Variants in CEACAM20 observed in about 807,000 individuals in gnomAD.
CEACAM20 encodes CEA cell adhesion molecule 20, also known as cell adhesion molecule CEACAM20.
Under a neutral mutation model 61.2 loss-of-function variants are expected in CEACAM20, and 50 were observed. That is an observed-to-expected ratio of 0.82 (90% CI 0.65 to 1.03). The LOEUF is 1.03. Ranked by LOEUF, CEACAM20 falls within the 50% of genes least tolerant of loss-of-function variation. The pLI, the probability that CEACAM20 is intolerant of heterozygous loss-of-function variation, is 0.00. For synonymous variants in CEACAM20, 282 were observed against 287.7 expected (o/e 0.98, Z 0.20); for missense variants, 683 against 736.4 (o/e 0.93, Z 0.84).
chr19:44,525,180 A>T lies in CEACAM20; in HGVS notation c.117T>A (p.Leu39=), dbSNP rs1599688401. Residue 39 remains leucine, a synonymous_variant, in exon 2 of 12, where the codon CTT becomes CTA. Coordinates refer to ENST00000614924, the MANE Select transcript of CEACAM20 (RefSeq NM_001102597.3). ...CAACATCCTCACTTTGGGTGGCATC[A>T]AGTGGGTTGGCATTGAGGGTGAGCT... ...AAQLTLNANP[L]DATQSEDVVL... 6.2e-7 allele frequency: 1 copy of T among 1,610,104 alleles called. No individual in the cohort carries two copies. The highest frequency in any genetic ancestry group is 8.5e-7 in the Non-Finnish European group (1 of 1,178,360).
chr19:44,509,332 A>C (rs191529555), intron 11 of CEACAM20, among the ~76,000 whole-genome samples: 1 of 151,234 alleles, frequency 6.6e-6, no homozygotes, highest in South Asian at 2.1e-4. Context: ...AAAGTATAAC[A>C]TTAAAGAATA....
At chr19:44,518,140 AAGGAAGGAAGGAAGGAAGGAAGGAAGG>A (rs1971240607) in intron 5 of CEACAM20, among the ~76,000 whole-genome samples, 15,107 of 123,292 alleles carry the variant, frequency 0.12, 1,596 homozygotes, top group East Asian at 0.16. Context: ...GGAAGGAAGG[AAGGAAGGAAGGAAGGAAGGAAGGAAGG>A]AAGAAAGCAG....
At position 44,529,503 on chromosome 19, in the gene CEACAM20, G is replaced by A. The variant is rs372091540; in HGVS notation, c.7C>T (p.Pro3Ser). ...CAGTGGTGTCCCCATGAGTCAGCAGGCCCCATGGGTCCCGGCACCTGACTT... is the reference window on the plus strand; with the variant it reads ...CAGTGGTGTCCCCATGAGTCAGCAGACCCCATGGGTCCCGGCACCTGACTT... MG[P>S]ADSWGHHWMG... Residue 3 changes from proline to serine, a missense_variant, in exon 1 of 12, where the codon CCT becomes TCT. Physicochemically the swap from Pro to Ser is moderately conservative, Grantham distance 74. Transcript: ENST00000614924. 1.1e-5 allele frequency: 17 copies of A among 1,613,422 alleles called. No homozygotes were observed. Among genetic ancestry groups the A allele is most frequent in the Middle Eastern group, 3.3e-4 (2 of 6,084 alleles).
intron 5 of CEACAM20, among the ~76,000 whole-genome samples, chr19:44,518,737 C>G (rs1240905238): frequency 6.6e-6 from 1 of 151,966 alleles, no homozygotes; most frequent in Non-Finnish European, 1.5e-5. Context: ...CTCATTTCTC[C>G]CCATCCTGAC....
rs1971649604 is a variant in CEACAM20, at chr19:44,529,488, C to G, written c.22G>C (p.Gly8Arg). Residue 8 changes from glycine to arginine, a missense_variant, in exon 1 of 12, where the codon GGA (glycine) becomes CGA (arginine). By Grantham distance (125) the Gly-to-Arg change is moderately radical. Transcript: ENST00000614924. ...AGCAGGATTCCCATCCAGTGGTGTCCCCATGAGTCAGCAGGCCCCATGGGT... is the reference window on the plus strand; with the variant it reads ...AGCAGGATTCCCATCCAGTGGTGTCGCCATGAGTCAGCAGGCCCCATGGGT... MGPADSW[G>R]HHWMGILLSA... is the part of the protein sequence containing the mutation. 6 of 1,613,714 alleles carry G rather than the reference C, an allele frequency of 3.7e-6. No homozygotes were observed. Among genetic ancestry groups the G allele is most frequent in the Non-Finnish European group, 5.1e-6 (6 of 1,179,830 alleles).
rs114360615 is a variant in CEACAM20, at chr19:44,519,664, C to T, written c.1030+810G>A. ...CAGCAGCATATTCAAAATACATCCA[C>T]AGTGCAACCATTTCTCAACACCCGA... is the stretch of plus-strand genomic sequence containing the variant. On this transcript the variant is annotated intron_variant, in intron 5 of 11. Transcript: ENST00000614924. Among the ~76,000 whole-genome samples, 1,235 of 152,334 alleles carry T rather than the reference C, an allele frequency of 8.1e-3. 9 individuals are homozygous for T. Among genetic ancestry groups the T allele is most frequent in the African/African-American group, 0.028 (1,171 of 41,564 alleles).
intron 5 of CEACAM20, among the ~76,000 whole-genome samples, chr19:44,517,691 C>T (rs10416748): frequency 0.17 from 23,845 of 137,332 alleles, 2,586 homozygotes; most frequent in East Asian, 0.48. Context: ...AGCAAGATTC[C>T]ATCTCAAAAA....
intron 6 of CEACAM20, among the ~76,000 whole-genome samples, chr19:44,515,816 A>G (rs1194548116): frequency 3.3e-5 from 5 of 152,094 alleles, no homozygotes; most frequent in Non-Finnish European, 7.3e-5. Flanking sequence ...AATATAAATA[A>G]AAAACTAGCT....
Position 44,511,645 on chromosome 19 carries a change from T to C in CEACAM20, c.1603A>G (p.Thr535Ala). ...LMQPPDLPEE[T>A]YETKLPSASR... ...CAGCAGGGCCAATGTACCTCATAGG[T>C]CTCCTCTGGAAGGTCTGGTGGTTGC... The change falls in exon 10 of 12, where the codon ACC becomes GCC. Residue 535 changes from threonine to alanine, a missense_variant. By Grantham distance (58) the Thr-to-Ala change is moderately conservative. Coordinates refer to ENST00000614924, the MANE Select transcript of CEACAM20 (RefSeq NM_001102597.3). 1 of 1,612,768 alleles carries C rather than the reference T, an allele frequency of 6.2e-7. No homozygotes were observed. Among genetic ancestry groups the C allele is most frequent in the South Asian group, 1.1e-5 (1 of 90,536 alleles).
chr19:44,528,463 A>G (rs966326036), intron 1 of CEACAM20, among the ~76,000 whole-genome samples: 2 of 152,104 alleles, frequency 1.3e-5, no homozygotes, highest in East Asian at 3.9e-4. Flanking sequence ...TGACTGCGTG[A>G]TCCACCCGCC....
chr19:44,511,540 T>G, intron 10 of CEACAM20, 97 bp downstream of exon 10: 1 of 1,256,970 alleles, frequency 8.0e-7, no homozygotes, highest in Non-Finnish European at 1.1e-6. Flanking sequence ...CCATGAAATG[T>G]TTAGACAAGA....
rs1971406393 is a variant in CEACAM20 at position 44,522,788 on chromosome 19, A to G, written c.597T>C (p.Tyr199=). The G allele has an allele frequency of 2.5e-6, 4 of 1,613,722 alleles. No homozygotes were observed. Among genetic ancestry groups the G allele is most frequent in the East Asian group, 2.2e-5 (1 of 44,886 alleles). ...GAATGGAGTCAAGGAGAAACCAAGT[A>G]TAGGCACAGGGTGGGTGAGACTTTG... is the stretch of plus-strand genomic sequence containing the variant. The part of the protein sequence containing the change: ...AETKSHPPCA[Y]TWFLLDSILS... The change falls in exon 4 of 12, where the codon TAT becomes TAC. Residue 199 remains tyrosine (Y), a synonymous_variant. Coordinates refer to ENST00000614924, the MANE Select transcript of CEACAM20 (RefSeq NM_001102597.3).
chr19:44,524,094 T>A lies in CEACAM20; in HGVS notation c.364A>T (p.Ile122Phe), dbSNP rs1410158523. 6.2e-7 allele frequency: 1 copy of A among 1,600,026 alleles called. No homozygotes were observed. Among genetic ancestry groups the A allele is most frequent in the Non-Finnish European group, 8.5e-7 (1 of 1,173,296 alleles). ...CGCTGGACAATGAGAATGGTGAGGA[T>A]CTTGCCATCCTTGGACAGCTGCATG... Reference protein sequence around the residue: ...ERMQLSKDGKILTILIVQRED... With the variant: ...ERMQLSKDGKFLTILIVQRED... Residue 122 changes from isoleucine to phenylalanine, a missense_variant, in exon 3 of 12, where the codon ATC becomes TTC. Ile to Phe is a conservative substitution (Grantham distance 21). Coordinates refer to ENST00000614924, the MANE Select transcript of CEACAM20 (RefSeq NM_001102597.3).
Position 44,527,957 on chromosome 19 carries a change from C to G in CEACAM20, c.52+1501G>C, listed in dbSNP as rs532507558. ...GATCCGTGGACCTGGCCGCTCAGGG[C>G]TGGCACAGCCTCCCTCCACCTGTCT... On this transcript the variant is annotated intron_variant, in intron 1 of 11. Transcript: ENST00000614924. Among the ~76,000 whole-genome samples the G allele has an allele frequency of 4.6e-4, 70 of 152,258 alleles. 2 individuals carry two copies. In the Middle Eastern group the frequency reaches 0.031, roughly 67 times the overall value.
chr19:44,513,043 A>C (rs1431972520), intron 7 of CEACAM20, 90 bp from the exon 8 acceptor site: 4 of 1,330,868 alleles, frequency 3.0e-6, no homozygotes, highest in Non-Finnish European at 4.2e-6. Context: ...TTCTTGAACA[A>C]TGCCCACAAC....
intron 1 of CEACAM20, among the ~76,000 whole-genome samples, chr19:44,528,236 TTTTC>T (rs962899659): frequency 1.3e-5 from 2 of 148,422 alleles, no homozygotes; most frequent in Non-Finnish European, 2.9e-5. Flanking sequence ...TCTTTCTTCT[TTTTC>T]TTTTTTTTGA....
chr19:44,515,795 C>T (rs1241651641), intron 6 of CEACAM20, among the ~76,000 whole-genome samples: 3 of 152,048 alleles, frequency 2.0e-5, no homozygotes, highest in Admixed American at 1.3e-4. Context: ...GAGGCCCCGT[C>T]TCTACAAAAA....
In CEACAM20 at chr19:44,506,794, T is replaced by C. The variant is rs112847138; in HGVS notation, c.1738-580A>G. 7.1e-3 allele frequency among the ~76,000 whole-genome samples: 1,078 copies of C among 152,336 alleles called. 11 individuals carry two copies. Among genetic ancestry groups the C allele is most frequent in the African/African-American group, 0.024 (988 of 41,568 alleles). On this transcript the variant is annotated intron_variant, in intron 11 of 11. Transcript: ENST00000614924. The stretch of plus-strand genomic sequence containing the variant: ...TGAGCCTCAGATGAGACCTGGGCTT[T>C]GACTGGCACCTTGATTATACAGCCT...
At chr19:44,521,362 A>T (rs1359621816) in intron 4 of CEACAM20, among the ~76,000 whole-genome samples, 1 of 152,026 alleles carries the variant, frequency 6.6e-6, no homozygotes, top group Non-Finnish European at 1.5e-5. Context: ...AATGTCAATG[A>T]TATGTGTTGT....
Sources: allele counts gnomAD v4.1 joint callset (sites outside exome capture counted in the v4.1 genomes callset), GRCh38; gene constraint gnomAD v4.1.1; transcripts MANE v1.5; gene names NCBI Gene and HGNC (gene_info 2026-07-23, HGNC 2026-07-21).